The following BHLHA9 variants were observed in gnomAD, a reference collection of about 807,000 sequenced individuals.
BHLHA9 encodes class A basic helix-loop-helix protein 9.
For synonymous variants in BHLHA9, 177 were observed against 179.7 expected, an observed-to-expected ratio of 0.98 and a Z score of 0.12; for missense variants, 344 against 365.9, an observed-to-expected ratio of 0.94 and a Z score of 0.49.
chr17:1,270,876 G>T lies in BHLHA9; in HGVS notation c.313G>T (p.Ala105Ser), dbSNP rs1213791875. Residue 105 changes from alanine (A) to serine (S), a missense_variant, in exon 1 of 1, where the codon GCC (alanine) becomes TCC (serine). Transcript: ENST00000391429. ...DLGGKRLSKIATLRRAIHRIA... is the reference protein window; with the variant it reads ...DLGGKRLSKISTLRRAIHRIA... ...GGGCGGCAAGAGGCTCTCCAAGATC[G>T]CCACGCTGCGCAGGGCCATCCACCG... The T allele has an allele frequency of 2.7e-6, 4 of 1,473,234 alleles. No individual in the cohort carries two copies. Among genetic ancestry groups the T allele is most frequent in the African/African-American group, 2.9e-5 (2 of 68,160 alleles). The allele number at this position is 1,473,234 out of a possible 1,614,324, so 91.3% of individuals were successfully genotyped here. A position where few individuals can be genotyped will look rare whatever the true frequency, so the allele number is the denominator to read the frequency against.
chr17:1,271,266 T>C lies in BHLHA9; in HGVS notation c.703T>C (p.Ser235Pro). 1 of 1,250,580 alleles carries C rather than the reference T, an allele frequency of 8.0e-7. No individual in the cohort carries two copies. Among genetic ancestry groups the C allele is most frequent in the Non-Finnish European group, 1.0e-6 (1 of 989,914 alleles). 77.5% of individuals were successfully genotyped at this position (1,250,580 alleles called of 1,614,324 possible). ...RSAPGMGHPR[S>P] ...CGCCCCCGGGATGGGCCATCCGCGC[T>C]CCTGACCGGCCTCGAGGCACCGGCT... Residue 235 changes from serine (S) to proline (P), a missense_variant, in exon 1 of 1, where the codon TCC becomes CCC. Coordinates refer to ENST00000391429, the MANE Select transcript of BHLHA9 (RefSeq NM_001164405.2).
chr17:1,270,648 G>A lies in BHLHA9; in HGVS notation c.85G>A (p.Glu29Lys). The A allele has an allele frequency of 7.7e-7, 1 of 1,305,848 alleles. No homozygotes were observed. Among genetic ancestry groups the A allele is most frequent in the Non-Finnish European group, 9.7e-7 (1 of 1,034,348 alleles). The allele number at this position is 1,305,848 out of a possible 1,614,324, so 80.9% of individuals were successfully genotyped here. Residue 29 changes from glutamate (E) to lysine (K), a missense_variant, in exon 1 of 1, where the codon GAG becomes AAG. Coordinates refer to ENST00000391429, the MANE Select transcript of BHLHA9 (RefSeq NM_001164405.2). Reference sequence around the variant, plus strand: ...GGAGGACTTGGGGGGCCCCTGCCCCGAGCCCGGGGGCGATTCGGGGGTGCT... The same window carrying A: ...GGAGGACTTGGGGGGCCCCTGCCCCAAGCCCGGGGGCGATTCGGGGGTGCT... ...SAEDLGGPCP[E>K]PGGDSGVLGA...
At position 1,271,136 on chromosome 17, in the gene BHLHA9, G is replaced by A; in HGVS notation, c.573G>A (p.Val191=). The A allele has an allele frequency of 1.6e-6, 2 of 1,234,296 alleles. No individual in the cohort carries two copies. The highest frequency in any genetic ancestry group is 2.0e-6 in the Non-Finnish European group (2 of 989,270). The allele number at this position is 1,234,296 out of a possible 1,614,324, so 76.5% of individuals were successfully genotyped here. The change falls in exon 1 of 1, where the codon GTG becomes GTA. Residue 191 remains valine, a synonymous_variant. Coordinates refer to ENST00000391429, the MANE Select transcript of BHLHA9 (RefSeq NM_001164405.2). ...CGCCCCTGGCACGGCCCAGTGCGGT[G>A]GCCGAGGGGCCGGGCCTAGCACAGG... ...PHAPLARPSA[V]AEGPGLAQAS...
In BHLHA9 at chr17:1,270,994, A is replaced by T; in HGVS notation, c.431A>T (p.Asp144Val). Residue 144 changes from aspartate to valine, a missense_variant, in exon 1 of 1, where the codon GAC (aspartate) becomes GTC (valine). By Grantham distance (152) the Asp-to-Val change is radical. Coordinates refer to ENST00000391429, the MANE Select transcript of BHLHA9 (RefSeq NM_001164405.2). Reference protein sequence around the residue: ...LECHGPAARGDTGDTGASPPP... With the variant: ...LECHGPAARGVTGDTGASPPP... ...TGCCACGGCCCGGCCGCGCGCGGGG[A>T]CACCGGGGACACAGGCGCCAGCCCC... 1 of 1,213,546 alleles carries T rather than the reference A, an allele frequency of 8.2e-7. No individual in the cohort carries two copies. The highest frequency in any genetic ancestry group is 1.0e-6 in the Non-Finnish European group (1 of 977,258). The allele number at this position is 1,213,546 out of a possible 1,614,324, so 75.2% of individuals were successfully genotyped here. A position where few individuals can be genotyped will look rare whatever the true frequency, so the allele number is the denominator to read the frequency against.
At position 1,271,233 on chromosome 17, in the gene BHLHA9, C is replaced by A; in HGVS notation, c.670C>A (p.Leu224Met). Residue 224 changes from leucine (L) to methionine (M), a missense_variant, in exon 1 of 1, where the codon CTG (leucine) becomes ATG (methionine). Leu to Met is a conservative substitution (Grantham distance 15). Transcript: ENST00000391429. ...GCCGCCTCCCTGGCCGCGGGGCTACCTGCGATCCGCCCCCGGGATGGGCCA... is the reference window on the plus strand; with the variant it reads ...GCCGCCTCCCTGGCCGCGGGGCTACATGCGATCCGCCCCCGGGATGGGCCA... The part of the protein sequence containing the change: ...AGPPPWPRGY[L>M]RSAPGMGHPR... 8.0e-7 allele frequency: 1 copy of A among 1,254,944 alleles called. No individual in the cohort carries two copies. Among genetic ancestry groups the A allele is most frequent in the Non-Finnish European group, 1.0e-6 (1 of 992,952 alleles). 77.7% of individuals were successfully genotyped at this position (1,254,944 alleles called of 1,614,324 possible).
At position 1,270,654 on chromosome 17, in the gene BHLHA9, G is replaced by A. The variant is rs914353806; in HGVS notation, c.91G>A (p.Gly31Arg). The part of the protein sequence containing the change: ...EDLGGPCPEP[G>R]GDSGVLGANG... ...CTTGGGGGGCCCCTGCCCCGAGCCC[G>A]GGGGCGATTCGGGGGTGCTGGGGGC... Residue 31 changes from glycine to arginine, a missense_variant, in exon 1 of 1, where the codon GGG becomes AGG. Transcript: ENST00000391429. 20 of 1,307,642 alleles carry A rather than the reference G, an allele frequency of 1.5e-5. No homozygotes were observed. The highest frequency in any genetic ancestry group is 1.3e-4 in the Admixed American group (3 of 23,908). The allele number at this position is 1,307,642 out of a possible 1,614,324, so 81.0% of individuals were successfully genotyped here.
chr17:1,270,637 G>T lies in BHLHA9; in HGVS notation c.74G>T (p.Gly25Val). The T allele has an allele frequency of 7.7e-7, 1 of 1,301,096 alleles. No individual in the cohort carries two copies. Among genetic ancestry groups the T allele is most frequent in the Non-Finnish European group, 9.7e-7 (1 of 1,031,236 alleles). The allele number at this position is 1,301,096 out of a possible 1,614,324, so 80.6% of individuals were successfully genotyped here. The part of the protein sequence containing the change: ...GAEDSAEDLG[G>V]PCPEPGGDSG... ...GAGGACTCTGCGGAGGACTTGGGGG[G>T]CCCCTGCCCCGAGCCCGGGGGCGAT... Residue 25 changes from glycine (G) to valine (V), a missense_variant, in exon 1 of 1, where the codon GGC becomes GTC. Gly to Val is a moderately radical substitution (Grantham distance 109). Transcript: ENST00000391429.
In BHLHA9 at chr17:1,270,944, C is replaced by T. The variant is rs926612470; in HGVS notation, c.381C>T (p.Pro127=). 3.0e-4 allele frequency: 394 copies of T among 1,300,600 alleles called. 1 individual carries two copies. Among genetic ancestry groups the T allele is most frequent in the Non-Finnish European group, 3.7e-4 (381 of 1,027,344 alleles). 80.6% of individuals were successfully genotyped at this position (1,300,600 alleles called of 1,614,324 possible). A position where few individuals can be genotyped will look rare whatever the true frequency, so the allele number is the denominator to read the frequency against. ...LSLVLRASPA[P]RGPCGHLECH... Reference sequence around the variant, plus strand: ...TGGTCCTGCGCGCCAGCCCCGCGCCCCGCGGGCCCTGCGGACACCTGGAGT... The same window carrying T: ...TGGTCCTGCGCGCCAGCCCCGCGCCTCGCGGGCCCTGCGGACACCTGGAGT... The change falls in exon 1 of 1, where the codon CCC becomes CCT. Residue 127 remains proline (P), a synonymous_variant. Transcript: ENST00000391429.
In BHLHA9 at chr17:1,270,732, C is replaced by A; in HGVS notation, c.169C>A (p.Arg57Ser). ...GGCGGAGGAGCCGGCGGGCAGGAGGCGCGCGCGGCCGGTGCGGTCCAAGGC... is the reference window on the plus strand; with the variant it reads ...GGCGGAGGAGCCGGCGGGCAGGAGGAGCGCGCGGCCGGTGCGGTCCAAGGC... ...GEAEEPAGRR[R>S]ARPVRSKARR... Residue 57 changes from arginine (R) to serine (S), a missense_variant, in exon 1 of 1, where the codon CGC (arginine) becomes AGC (serine). Transcript: ENST00000391429. The A allele has an allele frequency of 1.5e-6, 2 of 1,357,244 alleles. No homozygotes were observed. The highest frequency in any genetic ancestry group is 1.9e-6 in the Non-Finnish European group (2 of 1,063,430). The allele number at this position is 1,357,244 out of a possible 1,614,324, so 84.1% of individuals were successfully genotyped here. A position where few individuals can be genotyped will look rare whatever the true frequency, so the allele number is the denominator to read the frequency against.
Position 1,270,686 on chromosome 17 carries a change from C to G in BHLHA9, c.123C>G (p.Gly41=), listed in dbSNP as rs1399249040. 2.3e-6 allele frequency: 3 copies of G among 1,323,988 alleles called. No individual in the cohort carries two copies. In the East Asian group the frequency reaches 9.3e-5, roughly 41 times the overall value. 82.0% of individuals were successfully genotyped at this position (1,323,988 alleles called of 1,614,324 possible). ...ATTCGGGGGTGCTGGGGGCGAACGG[C>G]GCTTCCTGCAGCCGGGGCGAGGCGG... ...GGDSGVLGAN[G]ASCSRGEAEE... The change falls in exon 1 of 1, where the codon GGC becomes GGG. Residue 41 remains glycine (G), a synonymous_variant. Transcript: ENST00000391429.
chr17:1,271,306 C>A lies in BHLHA9; in HGVS notation c.*35C>A. ...AGGCACCGGCTGGGCTGCAGGGAGG[C>A]CGGGCTGGCAGCTGGACTATAAAAC... is the stretch of plus-strand genomic sequence containing the variant. On this transcript the variant is annotated 3_prime_UTR_variant, in exon 1 of 1. Transcript: ENST00000391429. The A allele has an allele frequency of 4.9e-6, 6 of 1,221,402 alleles. No homozygotes were observed. Among genetic ancestry groups the A allele is most frequent in the Non-Finnish European group, 5.2e-6 (5 of 964,924 alleles). The allele number at this position is 1,221,402 out of a possible 1,614,324, so 75.7% of individuals were successfully genotyped here.
rs1327312095 is a variant in BHLHA9 at position 1,271,211 on chromosome 17, G to T, written c.648G>T (p.Pro216=). The T allele has an allele frequency of 8.0e-7, 1 of 1,253,406 alleles. No homozygotes were observed. Among genetic ancestry groups the T allele is most frequent in the Non-Finnish European group, 1.0e-6 (1 of 993,528 alleles). The allele number at this position is 1,253,406 out of a possible 1,614,324, so 77.6% of individuals were successfully genotyped here. Residue 216 remains proline, a synonymous_variant, in exon 1 of 1, where the codon CCG becomes CCT. Transcript: ENST00000391429. ...GTCCGGGGGCTTCCTCTGCCGGGCC[G>T]CCTCCCTGGCCGCGGGGCTACCTGC... The part of the protein sequence containing the change: ...RRCPGASSAG[P]PPWPRGYLRS...
Position 1,270,977 on chromosome 17 carries a change from C to T in BHLHA9, c.414C>T (p.Gly138=). ...RGPCGHLECH[G]PAARGDTGDT... is the part of the protein sequence containing the mutation. ...CCTGCGGACACCTGGAGTGCCACGG[C>T]CCGGCCGCGCGCGGGGACACCGGGG... is the stretch of plus-strand genomic sequence containing the variant. The change falls in exon 1 of 1, where the codon GGC becomes GGT. Residue 138 remains glycine (G), a synonymous_variant. Transcript: ENST00000391429. 3 of 1,227,718 alleles carry T rather than the reference C, an allele frequency of 2.4e-6. No individual in the cohort carries two copies. The highest frequency in any genetic ancestry group is 7.2e-5 in the South Asian group (2 of 27,674). The allele number at this position is 1,227,718 out of a possible 1,614,324, so 76.1% of individuals were successfully genotyped here. A position where few individuals can be genotyped will look rare whatever the true frequency, so the allele number is the denominator to read the frequency against.
Position 1,271,303 on chromosome 17 carries a change from A to C in BHLHA9, c.*32A>C. 2.4e-6 allele frequency: 3 copies of C among 1,226,594 alleles called. No individual in the cohort carries two copies. Among genetic ancestry groups the C allele is most frequent in the Non-Finnish European group, 3.1e-6 (3 of 969,652 alleles). 76.0% of individuals were successfully genotyped at this position (1,226,594 alleles called of 1,614,324 possible). ...TCGAGGCACCGGCTGGGCTGCAGGGAGGCCGGGCTGGCAGCTGGACTATAA... is the reference window on the plus strand; with the variant it reads ...TCGAGGCACCGGCTGGGCTGCAGGGCGGCCGGGCTGGCAGCTGGACTATAA... On this transcript the variant is annotated 3_prime_UTR_variant, in exon 1 of 1. Transcript: ENST00000391429.
Position 1,271,022 on chromosome 17 carries a change from G to C in BHLHA9, c.459G>C (p.Pro153=), listed in dbSNP as rs2150799848. Reference sequence around the variant, plus strand: ...CCGGGGACACAGGCGCCAGCCCCCCGCCGCCTGCAGGGCCCAGCCTCGCGC... The same window carrying C: ...CCGGGGACACAGGCGCCAGCCCCCCCCCGCCTGCAGGGCCCAGCCTCGCGC... ...GDTGDTGASP[P]PPAGPSLARP... The change falls in exon 1 of 1, where the codon CCG becomes CCC. Residue 153 remains proline (P), a synonymous_variant. Transcript: ENST00000391429. 8.4e-7 allele frequency: 1 copy of C among 1,192,872 alleles called. No homozygotes were observed. 73.9% of individuals were successfully genotyped at this position (1,192,872 alleles called of 1,614,324 possible).
rs1163532103 is a variant in BHLHA9 at position 1,271,580 on chromosome 17, G to T, written c.*309G>T. 3.3e-6 allele frequency: 1 copy of T among 301,968 alleles called. No homozygotes were observed. Among genetic ancestry groups the T allele is most frequent in the Non-Finnish European group, 6.1e-6 (1 of 163,120 alleles). 18.7% of individuals were successfully genotyped at this position (301,968 alleles called of 1,614,324 possible). On this transcript the variant is annotated 3_prime_UTR_variant, in exon 1 of 1. Transcript: ENST00000391429. ...GGACTCGAACTCGTCTTGGAATGCC[G>T]CCTTCGCACTCCTGCGCCTCCGAGC... is the stretch of plus-strand genomic sequence containing the variant.
At position 1,270,523 on chromosome 17, in the gene BHLHA9, A is replaced by AGGGCCG; in HGVS notation, c.-36_-31dup. Reference sequence around the variant, plus strand: ...GCAGTGGGCAGAGGGCAGAGGGCAGAGGGCCGGGGCTGGGGCAGAGGGCGA... The same window carrying AGGGCCG: ...GCAGTGGGCAGAGGGCAGAGGGCAGAGGGCCGGGGCCGGGGCTGGGGCAGAGGGCGA... On this transcript the variant is annotated 5_prime_UTR_variant, in exon 1 of 1. Transcript: ENST00000391429. The AGGGCCG allele has an allele frequency of 8.7e-7, 1 of 1,148,260 alleles. No individual in the cohort carries two copies. Among genetic ancestry groups the AGGGCCG allele is most frequent in the Non-Finnish European group, 1.1e-6 (1 of 902,440 alleles). 71.1% of individuals were successfully genotyped at this position (1,148,260 alleles called of 1,614,324 possible).
At position 1,270,823 on chromosome 17, in the gene BHLHA9, C is replaced by A; in HGVS notation, c.260C>A (p.Ala87Glu). The A allele has an allele frequency of 6.8e-7, 1 of 1,476,218 alleles. No homozygotes were observed. 91.4% of individuals were successfully genotyped at this position (1,476,218 alleles called of 1,614,324 possible). ...RILDYNEAFN[A>E]LRRALRHDLG... ...CTAGACTACAACGAGGCCTTCAACG[C>A]GCTGCGCCGGGCGCTGCGGCACGAC... Residue 87 changes from alanine (A) to glutamate (E), a missense_variant, in exon 1 of 1, where the codon GCG (alanine) becomes GAG (glutamate). By Grantham distance (107) the Ala-to-Glu change is moderately radical. Transcript: ENST00000391429.
rs1482245729 is a variant in BHLHA9 at position 1,270,529 on chromosome 17, G to A, written c.-35G>A. 11 of 1,183,158 alleles carry A rather than the reference G, an allele frequency of 9.3e-6. No individual in the cohort carries two copies. In the South Asian group the frequency reaches 3.6e-4, roughly 39 times the overall value. 73.3% of individuals were successfully genotyped at this position (1,183,158 alleles called of 1,614,324 possible). A position where few individuals can be genotyped will look rare whatever the true frequency, so the allele number is the denominator to read the frequency against. Reference sequence around the variant, plus strand: ...GGCAGAGGGCAGAGGGCAGAGGGCCGGGGCTGGGGCAGAGGGCGAGTGCCC... The same window carrying A: ...GGCAGAGGGCAGAGGGCAGAGGGCCAGGGCTGGGGCAGAGGGCGAGTGCCC... On this transcript the variant is annotated 5_prime_UTR_variant, in exon 1 of 1. Transcript: ENST00000391429.
Sources: allele counts gnomAD v4.1 joint callset, GRCh38; gene constraint gnomAD v4.1.1; transcripts MANE v1.5; gene names NCBI Gene and HGNC (gene_info 2026-07-23, HGNC 2026-07-21).